Variants in GRIN2A observed in about 807,000 individuals in gnomAD.
The protein encoded by GRIN2A is glutamate receptor ionotropic, NMDA 2A.
Under a neutral mutation model 113.4 loss-of-function variants are expected in GRIN2A, and 22 were observed. The observed-to-expected ratio is 0.19, with a 90% confidence interval of 0.14 to 0.28. The LOEUF (loss-of-function observed/expected upper bound fraction) is 0.28, where lower values mean the gene tolerates loss of function less well. Among genes scored for constraint, GRIN2A ranks in the 10% least tolerant of loss-of-function variants. GRIN2A has a pLI of 1.00. For missense variants in GRIN2A, 1,502 were observed against 1,887.0 expected, an observed-to-expected ratio of 0.80 and a Z score of 3.78; for synonymous variants, 827 against 738.4, an observed-to-expected ratio of 1.12 and a Z score of -1.94.
At chr16:9,816,833 A>G (rs2042195835) in intron 10 of GRIN2A, among the ~76,000 whole-genome samples, 2 of 152,150 alleles carry the variant, frequency 1.3e-5, no homozygotes, top group African/African-American at 2.4e-5. Context: ...GGGCTCAGCA[A>G]TCTACATTTT....
intron 2 of GRIN2A, among the ~76,000 whole-genome samples, chr16:10,040,195 G>A (rs1008091886): frequency 1.8e-4 from 5 of 27,924 alleles, no homozygotes; most frequent in African/African-American, 7.1e-4. Context: ...CAAATACACC[G>A]AACACACACA....
chr16:9,892,098 G>T (rs1336078324), intron 3 of GRIN2A, among the ~76,000 whole-genome samples: 1 of 152,106 alleles, frequency 6.6e-6, no homozygotes, highest in East Asian at 1.9e-4. Context: ...GGGCATGGTG[G>T]TGCAAACCTG....
intron 2 of GRIN2A, among the ~76,000 whole-genome samples, chr16:10,049,698 C>T (rs373661244): frequency 8.5e-5 from 13 of 152,252 alleles, no homozygotes; most frequent in South Asian, 2.1e-4. Context: ...CCTGGGACTC[C>T]GCAGTCCTCT....
At chr16:9,976,396 C>T (rs897545065) in intron 2 of GRIN2A, among the ~76,000 whole-genome samples, 1 of 152,226 alleles carries the variant, frequency 6.6e-6, no homozygotes, top group African/African-American at 2.4e-5. Context: ...AGGACACTAA[C>T]TGGTCTCCTG....
At chr16:9,914,900 T>C (rs1453553776) in intron 3 of GRIN2A, among the ~76,000 whole-genome samples, 2 of 132,908 alleles carry the variant, frequency 1.5e-5, no homozygotes, top group Non-Finnish European at 3.1e-5. Flanking sequence ...CTATTGATTA[T>C]GCAGCTTTTT....
intron 11 of GRIN2A, among the ~76,000 whole-genome samples, chr16:9,772,261 CCCACCATGTA>C (rs1460362514): frequency 6.6e-6 from 1 of 152,220 alleles, no homozygotes; most frequent in Non-Finnish European, 1.5e-5. Context: ...GATTTCTCTG[CCCACCATGTA>C]CCTCAGACCT....
chr16:9,829,774 T>C, intron 8 of GRIN2A, 122 bp from the exon 9 acceptor site: 1 of 717,210 alleles, frequency 1.4e-6, no homozygotes, highest in East Asian at 2.7e-5. Flanking sequence ...TATATCATAG[T>C]TGTGTCCTGT....
At chr16:9,945,497 T>TG (rs2044997742) in intron 2 of GRIN2A, among the ~76,000 whole-genome samples, 1 of 152,110 alleles carries the variant, frequency 6.6e-6, no homozygotes, top group Admixed American at 6.6e-5. Flanking sequence ...CATCACACAA[T>TG]GAATGCCCTG....
chr16:9,813,700 A>C (rs566729121), intron 10 of GRIN2A, among the ~76,000 whole-genome samples: 4 of 133,048 alleles, frequency 3.0e-5, no homozygotes, highest in African/African-American at 1.1e-4. Context: ...ACCCCCCCGC[A>C]AAAAAAAAAA....
At chr16:9,903,255 A>C (rs999372358) in intron 3 of GRIN2A, among the ~76,000 whole-genome samples, 1 of 152,016 alleles carries the variant, frequency 6.6e-6, no homozygotes, top group Non-Finnish European at 1.5e-5. Context: ...GGCGTGAGTC[A>C]CCGTGCCCGG....
chr16:9,813,582 C>G (rs1006680158), intron 10 of GRIN2A, among the ~76,000 whole-genome samples: 2 of 148,506 alleles, frequency 1.3e-5, no homozygotes, highest in African/African-American at 4.9e-5. Context: ...TAACTCCTGC[C>G]CCCCACAGAC....
chr16:10,010,551 AAG>A (rs1485609496), intron 2 of GRIN2A, among the ~76,000 whole-genome samples: 26 of 152,330 alleles, frequency 1.7e-4, no homozygotes, highest in Middle Eastern at 3.4e-3. Context: ...AAAATTAAAT[AAG>A]ATCATGTATA....
intron 3 of GRIN2A, among the ~76,000 whole-genome samples, chr16:9,915,231 C>T (rs919362726): frequency 4.0e-5 from 6 of 151,758 alleles, no homozygotes; most frequent in African/African-American, 9.7e-5. Context: ...CCACCACTCC[C>T]GGCCAACTAT....
At chr16:10,000,335 C>A (rs1036054377) in intron 2 of GRIN2A, among the ~76,000 whole-genome samples, 75 of 152,220 alleles carry the variant, frequency 4.9e-4, no homozygotes, top group African/African-American at 1.7e-3. Context: ...TTCTACACTA[C>A]TCCTACTATT....
At chr16:9,839,949 A>G (rs1208915369) in intron 7 of GRIN2A, among the ~76,000 whole-genome samples, 1 of 151,636 alleles carries the variant, frequency 6.6e-6, no homozygotes, top group East Asian at 2.0e-4. Flanking sequence ...ACATGGCGAA[A>G]CCCCATCTCT....
intron 2 of GRIN2A, among the ~76,000 whole-genome samples, chr16:10,141,609 T>C (rs1284658536): frequency 6.6e-6 from 1 of 152,222 alleles, no homozygotes; most frequent in East Asian, 1.9e-4. Flanking sequence ...TCCTGCTCTT[T>C]TCAGTTACAT....
At chr16:9,903,438 T>G (rs1428478534) in intron 3 of GRIN2A, among the ~76,000 whole-genome samples, 1 of 152,208 alleles carries the variant, frequency 6.6e-6, no homozygotes, top group East Asian at 1.9e-4. Context: ...GAGCACAGCA[T>G]GTTCACCATT....
At chr16:10,022,927 A>G (rs1244073074) in intron 2 of GRIN2A, among the ~76,000 whole-genome samples, 2 of 152,230 alleles carry the variant, frequency 1.3e-5, no homozygotes, top group Non-Finnish European at 2.9e-5. Flanking sequence ...AATCAGTATG[A>G]CTACCACACC....
At chr16:9,956,296 T>C (rs766487977) in intron 2 of GRIN2A, among the ~76,000 whole-genome samples, 1 of 152,182 alleles carries the variant, frequency 6.6e-6, no homozygotes, top group Admixed American at 6.5e-5. Context: ...AGCCACATAA[T>C]ACCCATACTT....
Sources: gnomAD v4.1 joint callset for allele counts (sites outside exome capture counted in the v4.1 genomes callset) on GRCh38, gnomAD v4.1.1 for gene constraint, MANE v1.5 for transcripts, NCBI Gene and HGNC (gene_info 2026-07-23, HGNC 2026-07-21) for gene names.